Variants in HMGN3 observed in about 807,000 individuals in gnomAD.
HMGN3 encodes the protein high mobility group nucleosome-binding domain-containing protein 3.
A neutral mutation model predicts 18.8 loss-of-function variants in HMGN3; 6 were observed. That is an observed-to-expected ratio of 0.32 (90% CI 0.18 to 0.63). The LOEUF (loss-of-function observed/expected upper bound fraction) is 0.63. Ranked by LOEUF, HMGN3 falls within the 30% of genes least tolerant of loss-of-function variation. HMGN3 has a pLI of 0.79. For synonymous variants in HMGN3, 40 were observed against 36.5 expected, an observed-to-expected ratio of 1.10 and a Z score of -0.35; for missense variants, 107 against 114.2, an observed-to-expected ratio of 0.94 and a Z score of 0.29.
intron 2 of HMGN3, among the ~76,000 whole-genome samples, chr6:79,208,914 A>G (rs1010310016): frequency 9.2e-5 from 14 of 152,222 alleles, no homozygotes; most frequent in African/African-American, 3.1e-4. Context: ...CAGCAAGAAC[A>G]TTGAGGTGCT....
At chr6:79,228,302 C>T (rs968070889) in intron 1 of HMGN3, among the ~76,000 whole-genome samples, 52 of 152,154 alleles carry the variant, frequency 3.4e-4, no homozygotes, top group African/African-American at 1.1e-3. Flanking sequence ...TTTCCCAAGG[C>T]GATGGTATCT....
rs369186652 is a variant in HMGN3, at chr6:79,233,569, A to G, written c.15+977T>C. ...GGTGCAAAGCACTTGCTTAGGAACC[A>G]GCTGAGAAATCCTCACTGATTTCTC... On this transcript the variant is annotated intron_variant, in intron 1 of 5. Coordinates refer to ENST00000344726, the Ensembl canonical transcript of HMGN3. 3.3e-5 allele frequency: 5 copies of G among 152,328 alleles called. No homozygotes were observed. The East Asian group carries it at 9.7e-4, about 29-fold the overall frequency. 9.4% of individuals were successfully genotyped at this position (152,328 alleles called of 1,614,324 possible).
intron 3 of HMGN3, among the ~76,000 whole-genome samples, chr6:79,207,605 TA>T (rs1776483720): frequency 2.6e-5 from 4 of 152,230 alleles, no homozygotes; most frequent in Admixed American, 2.6e-4. Flanking sequence ...AACAGACTAA[TA>T]TACTTCCTTA....
At position 79,214,958 on chromosome 6, in the gene HMGN3, A is replaced by C; in HGVS notation, c.66+14T>G. The C allele has an allele frequency of 7.3e-7, 1 of 1,379,048 alleles. No individual in the cohort carries two copies. The allele number at this position is 1,379,048 out of a possible 1,614,324, so 85.4% of individuals were successfully genotyped here. A position where few individuals can be genotyped will look rare whatever the true frequency, so the allele number is the denominator to read the frequency against. ...TGTAAATAATTAAATATAGGATGTC[A>C]AAGATATACTTACCTCCTGTTTAGT... On this transcript the variant is annotated intron_variant, in intron 2 of 5. Coordinates refer to ENST00000344726, the Ensembl canonical transcript of HMGN3.
chr6:79,220,953 A>T (rs1365822903), intron 1 of HMGN3, among the ~76,000 whole-genome samples: 2 of 152,110 alleles, frequency 1.3e-5, no homozygotes, highest in Non-Finnish European at 2.9e-5. Flanking sequence ...AAAGGCCTGA[A>T]ATGAACAATG....
intron 5 of HMGN3, 113 bp downstream of exon 6, chr6:79,201,949 AG>A: frequency 6.9e-7 from 1 of 1,452,510 alleles, no homozygotes; most frequent in Non-Finnish European, 9.0e-7. Flanking sequence ...AAACCACCAC[AG>A]AAGCCTTACC....
intron 2 of HMGN3, among the ~76,000 whole-genome samples, chr6:79,214,151 A>T (rs9343885): frequency 0.16 from 24,467 of 151,612 alleles, 2,376 homozygotes; most frequent in South Asian, 0.22. Context: ...TTCCCAATTT[A>T]AAAAAAAGCT....
chr6:79,203,661 T>C (rs764153920), intron 3 of HMGN3, 31 bp from the exon 4 acceptor site: 2 of 1,355,338 alleles, frequency 1.5e-6, no homozygotes, highest in South Asian at 2.6e-5. Context: ...ACACAAATAC[T>C]GAAAAAAAAA....
In HMGN3 at chr6:79,233,894, C is replaced by G. The variant is rs542196448; in HGVS notation, c.15+652G>C. The G allele has an allele frequency of 6.0e-4, 92 of 152,638 alleles. 1 individual carries two copies. The highest frequency in any genetic ancestry group is 2.0e-3 in the African/African-American group (83 of 41,590). 9.5% of individuals were successfully genotyped at this position (152,638 alleles called of 1,614,324 possible). A position where few individuals can be genotyped will look rare whatever the true frequency, so the allele number is the denominator to read the frequency against. ...CCCCGGCGCCGTCCCGTCTTCCACGCTGCCAACTCCACCGCTCCCGCCCCG... is the reference window on the plus strand; with the variant it reads ...CCCCGGCGCCGTCCCGTCTTCCACGGTGCCAACTCCACCGCTCCCGCCCCG... On this transcript the variant is annotated intron_variant, in intron 1 of 5. Coordinates refer to ENST00000344726, the Ensembl canonical transcript of HMGN3.
chr6:79,209,141 T>C (rs943926457), intron 2 of HMGN3, among the ~76,000 whole-genome samples: 19 of 152,234 alleles, frequency 1.2e-4, no homozygotes, highest in African/African-American at 4.6e-4. Context: ...ATTTATCTAG[T>C]AGTATATGTT....
Position 79,226,542 on chromosome 6 carries a change from G to T in HMGN3, c.15+8004C>A, listed in dbSNP as rs138529357. Among the ~76,000 whole-genome samples the T allele has an allele frequency of 5.3e-5, 8 of 151,970 alleles. 1 individual carries two copies. Among genetic ancestry groups the T allele is most frequent in the Non-Finnish European group, 8.8e-5 (6 of 67,982 alleles). On this transcript the variant is annotated intron_variant, in intron 1 of 5. Coordinates refer to ENST00000344726, the Ensembl canonical transcript of HMGN3. The stretch of plus-strand genomic sequence containing the variant: ...TGAAATTATAGTATATACTTCTCTC[G>T]CATTTATTTCTAATAATTTCACATT...
chr6:79,230,737 A>G (rs1199674047), intron 1 of HMGN3, among the ~76,000 whole-genome samples: 1 of 152,168 alleles, frequency 6.6e-6, no homozygotes, highest in Non-Finnish European at 1.5e-5. Flanking sequence ...TGTGGTACAA[A>G]TATTTTTTCC....
At chr6:79,208,062 C>A (rs1776505887) in intron 3 of HMGN3, among the ~76,000 whole-genome samples, 2 of 152,062 alleles carry the variant, frequency 1.3e-5, no homozygotes, top group South Asian at 2.1e-4. Context: ...AATCTCCTGG[C>A]CCACAGAAGG....
chr6:79,201,667 AC>A, exon 6 of HMGN3: 1 of 1,492,092 alleles, frequency 6.7e-7, no homozygotes, highest in Non-Finnish European at 9.3e-7. Flanking sequence ...CATAAAATCA[AC>A]CCCAATTTTT....
chr6:79,216,565 C>T (rs1349852229), intron 1 of HMGN3, among the ~76,000 whole-genome samples: 1 of 152,216 alleles, frequency 6.6e-6, no homozygotes, highest in East Asian at 1.9e-4. Context: ...TCCAGAACCT[C>T]CCATGTCATG....
chr6:79,203,675 AACTAT>A (rs748619771), intron 3 of HMGN3, 45 bp from the exon 4 acceptor site: 1 of 1,346,854 alleles, frequency 7.4e-7, no homozygotes, highest in East Asian at 2.3e-5. Context: ...AAAAAAAAAA[AACTAT>A]CAGCACCAAA....
At chr6:79,231,806 C>G (rs1777850500) in intron 1 of HMGN3, among the ~76,000 whole-genome samples, 1 of 152,196 alleles carries the variant, frequency 6.6e-6, no homozygotes, top group Non-Finnish European at 1.5e-5. Flanking sequence ...CTTGTGGGAT[C>G]TATAACTACA....
chr6:79,218,828 A>G (rs2127828795), intron 1 of HMGN3, among the ~76,000 whole-genome samples: 1 of 152,344 alleles, frequency 6.6e-6, no homozygotes, highest in Non-Finnish European at 1.5e-5. Context: ...TACAAAATAG[A>G]AATTTTGAAG....
intron 1 of HMGN3, among the ~76,000 whole-genome samples, chr6:79,226,770 C>A (rs2127837909): frequency 6.6e-6 from 1 of 152,234 alleles, no homozygotes. Context: ...TATCTTCCTA[C>A]TTCTGAATGT....
Sources: allele counts gnomAD v4.1 joint callset (sites outside exome capture counted in the v4.1 genomes callset), GRCh38; gene constraint gnomAD v4.1.1; transcripts MANE v1.5; gene names NCBI Gene and HGNC (gene_info 2026-07-23, HGNC 2026-07-21).